Variants in RAP2C observed in about 807,000 individuals in gnomAD.
RAP2C encodes the protein RAP2C, member of RAS oncogene family, also known as ras-related protein Rap-2c.
RAP2C carries 3 observed loss-of-function variants against 8.9 expected under a neutral mutation model. The observed-to-expected ratio is 0.34, with a 90% CI of 0.15 to 0.87. The LOEUF is 0.87. Ranked by LOEUF, RAP2C falls within the 40% of genes least tolerant of loss-of-function variation. The pLI is 0.51. For missense variants in RAP2C, 76 were observed against 133.7 expected (o/e 0.57, Z 2.13); for synonymous variants, 60 against 52.1 (o/e 1.15, Z -0.65).
chrX:132,217,857 C>T (rs1930680710), intron 3 of RAP2C, 51 bp from the exon 4 acceptor site: 1 of 112,068 alleles, frequency 8.9e-6, no homozygotes, highest in African/African-American at 3.2e-5. Flanking sequence ...CGCCCCGAAC[C>T]TGCGGCGCCG....
intron 5 of RAP2C, among the ~76,000 whole-genome samples, chrX:132,212,443 T>A (rs1930456477): frequency 8.9e-6 from 1 of 112,009 alleles, no homozygotes; most frequent in African/African-American, 3.2e-5. Context: ...TAGAAATTAT[T>A]CACCTGCCAA....
Position 132,217,958 on chromosome X carries a change from C to T in RAP2C, c.-581G>A, listed in dbSNP as rs1217032438. The T allele has an allele frequency of 1.8e-5, 2 of 112,395 alleles. No homozygotes were observed. Among genetic ancestry groups the T allele is most frequent in the Non-Finnish European group, 3.8e-5 (2 of 53,048 alleles). 9.3% of individuals were successfully genotyped at this position (112,395 alleles called of 1,213,427 possible). On this transcript the variant is annotated 5_prime_UTR_variant, in exon 3 of 6. The change creates a new upstream start codon in the 5' untranslated region. Coordinates refer to ENST00000370874, the MANE Select transcript of RAP2C (RefSeq NM_001271186.2). ...CCCGGCCGCCGGGGAGGCTCTGTCA[C>T]GCCAAGGCCATGGCCACCCGCTGGC... is the stretch of plus-strand genomic sequence containing the variant.
intron 5 of RAP2C, among the ~76,000 whole-genome samples, chrX:132,212,610 T>C (rs5977657): frequency 0.1 from 11,643 of 112,033 alleles, 574 homozygotes; most frequent in African/African-American, 0.19. Flanking sequence ...AAAATGTGTA[T>C]AGACACTTAC....
At position 132,217,369 on chromosome X, in the gene RAP2C, T is replaced by G. The variant is rs1930641956; in HGVS notation, c.-101A>C. ...GGAAGGTGGGCGGAAATCTGCGAAC[T>G]GGGGAGGAGAGTGCAGAGGAGCAGA... On this transcript the variant is annotated 5_prime_UTR_variant, in exon 4 of 6. Coordinates refer to ENST00000370874, the MANE Select transcript of RAP2C (RefSeq NM_001271186.2). The G allele has an allele frequency of 1.4e-6, 1 of 729,113 alleles. No homozygotes were observed. The allele number at this position is 729,113 out of a possible 1,213,427, so 60.1% of individuals were successfully genotyped here.
chrX:132,210,666 G>A lies in RAP2C; in HGVS notation c.*34+3468C>T, dbSNP rs1325382285. Among the ~76,000 whole-genome samples the A allele has an allele frequency of 3.6e-5, 4 of 111,722 alleles. No individual in the cohort carries two copies. In the East Asian group the frequency reaches 8.4e-4, roughly 23 times the overall value. The stretch of plus-strand genomic sequence containing the variant: ...TGTTCCACAGTACACTGAGAAAAAT[G>A]GTATAAAATCTTACAGGAGACCTTC... On this transcript the variant is annotated intron_variant, in intron 5 of 5. Transcript: ENST00000370874.
chrX:132,218,597 T>G (rs1341212746), intron 1 of RAP2C: 1 of 112,243 alleles, frequency 8.9e-6, no homozygotes, highest in Non-Finnish European at 1.9e-5. Context: ...CTTGCTATTT[T>G]GCTGAGAGAT....
chrX:132,215,816 A>T (rs1345724284), intron 4 of RAP2C, among the ~76,000 whole-genome samples: 2 of 111,457 alleles, frequency 1.8e-5, no homozygotes, highest in Admixed American at 9.5e-5. Flanking sequence ...TTGTTTGGGA[A>T]TTTATGCCTA....
intron 5 of RAP2C, among the ~76,000 whole-genome samples, chrX:132,210,890 G>A (rs1930408929): frequency 9.0e-6 from 1 of 111,266 alleles, no homozygotes; most frequent in Admixed American, 9.6e-5. Flanking sequence ...AATATTTTAG[G>A]ATATGATTAT....
At chrX:132,212,314 A>T (rs1356277178) in intron 5 of RAP2C, among the ~76,000 whole-genome samples, 1 of 112,012 alleles carries the variant, frequency 8.9e-6, no homozygotes, top group East Asian at 2.8e-4. Flanking sequence ...ATACTAAAAA[A>T]AATCTATGTA....
At chrX:132,219,215 A>G (rs1235023045) in intron 1 of RAP2C, among the ~76,000 whole-genome samples, 155 bp downstream of exon 1, 1 of 111,729 alleles carries the variant, frequency 9.0e-6, no homozygotes, top group Non-Finnish European at 1.9e-5. Flanking sequence ...CCTAGCAAAA[A>G]TGACTCCAAA....
intron 2 of RAP2C, 99 bp from the exon 3 acceptor site, chrX:132,218,111 CCCCCA>C (rs1930712486): frequency 8.6e-5 from 6 of 69,503 alleles, no homozygotes; most frequent in African/African-American, 1.5e-4. Context: ...CCCACCCCCA[CCCCCA>C]CCCCCACCCC....
At chrX:132,210,351 T>A (rs1465429806) in intron 5 of RAP2C, among the ~76,000 whole-genome samples, 1 of 112,269 alleles carries the variant, frequency 8.9e-6, no homozygotes, top group South Asian at 3.7e-4. Flanking sequence ...TATTTTATTT[T>A]AAAAAACCCT....
intron 5 of RAP2C, among the ~76,000 whole-genome samples, chrX:132,208,526 T>C (rs5933123): frequency 0.3 from 32,744 of 110,105 alleles, 4,603 homozygotes; most frequent in African/African-American, 0.52. Context: ...TTTAATAAAT[T>C]GTTATTTTAA....
chrX:132,206,527 C>T (rs1442116687), intron 5 of RAP2C, among the ~76,000 whole-genome samples: 1 of 112,112 alleles, frequency 8.9e-6, no homozygotes, highest in Non-Finnish European at 1.9e-5. Flanking sequence ...TGTTTTTGAA[C>T]GCATGAGATA....
chrX:132,218,479 G>A (rs1329324694), intron 1 of RAP2C, 138 bp from the exon 2 acceptor site: 1 of 111,184 alleles, frequency 9.0e-6, no homozygotes, highest in Non-Finnish European at 1.9e-5. Flanking sequence ...CGGAACCTGC[G>A]GGCTAATAAT....
chrX:132,214,150 T>C lies in RAP2C; in HGVS notation c.*18A>G, dbSNP rs1930504887. On this transcript the variant is annotated 3_prime_UTR_variant, in exon 5 of 6. Coordinates refer to ENST00000370874, the MANE Select transcript of RAP2C (RefSeq NM_001271186.2). ...AAAACTAACCTGCTCGGTATGGCCA[T>C]GATTGAGGTTATCTTCTTTACTGGA... is the stretch of plus-strand genomic sequence containing the variant. 2 of 1,197,015 alleles carry C rather than the reference T, an allele frequency of 1.7e-6. No homozygotes were observed. Among genetic ancestry groups the C allele is most frequent in the Non-Finnish European group, 2.3e-6 (2 of 886,220 alleles).
chrX:132,216,187 G>A (rs1241912860), intron 4 of RAP2C, among the ~76,000 whole-genome samples: 1 of 111,928 alleles, frequency 8.9e-6, no homozygotes, highest in Non-Finnish European at 1.9e-5. Context: ...GTTTCCCAGT[G>A]AAGGACAGGA....
intron 5 of RAP2C, among the ~76,000 whole-genome samples, chrX:132,209,720 T>C (rs1262006446): frequency 9.0e-6 from 1 of 111,715 alleles, no homozygotes; most frequent in African/African-American, 3.3e-5. Context: ...GAATGGCTCA[T>C]ATGCATTTTA....
At chrX:132,207,821 A>G (rs1482708495) in intron 5 of RAP2C, among the ~76,000 whole-genome samples, 2 of 111,719 alleles carry the variant, frequency 1.8e-5, no homozygotes, top group Non-Finnish European at 3.8e-5. Flanking sequence ...ATCACATTCA[A>G]GCACGTTGCA....
Sources: allele counts gnomAD v4.1 joint callset (sites outside exome capture counted in the v4.1 genomes callset), GRCh38; gene constraint gnomAD v4.1.1; transcripts MANE v1.5; gene names NCBI Gene and HGNC (gene_info 2026-07-23, HGNC 2026-07-21).